The following BTRC variants were observed in gnomAD, a reference collection of about 807,000 sequenced individuals.
BTRC encodes beta-transducin repeat containing E3 ubiquitin protein ligase, also known as F-box/WD repeat-containing protein 1A.
Under a neutral mutation model 85.5 loss-of-function variants are expected in BTRC, and 42 were observed. That is an observed-to-expected ratio of 0.49 (90% confidence interval 0.38 to 0.64). The LOEUF (loss-of-function observed/expected upper bound fraction) is 0.64. Ranked by LOEUF, BTRC falls within the 30% of genes least tolerant of loss-of-function variation. The pLI, the probability that BTRC is intolerant of heterozygous loss-of-function variation, is 0.00. For missense variants in BTRC, 594 were observed against 743.5 expected, an observed-to-expected ratio of 0.80 and a Z score of 2.34; for synonymous variants, 255 against 263.3, an observed-to-expected ratio of 0.97 and a Z score of 0.30.
At chr10:101,523,114 G>A (rs2062143555) in intron 5 of BTRC, among the ~76,000 whole-genome samples, 1 of 152,136 alleles carries the variant, frequency 6.6e-6, no homozygotes, top group South Asian at 2.1e-4. Flanking sequence ...TGGGGCAGGA[G>A]AATCGCTTGA....
rs558360871 is a variant in BTRC at position 101,434,399 on chromosome 10, A to C, written c.156+3947A>C. 1.4e-3 allele frequency among the ~76,000 whole-genome samples: 211 copies of C among 152,274 alleles called. 4 individuals are homozygous for C. The South Asian group carries it at 0.043, about 31-fold the overall frequency. ...TGGATATCCTTGTGCAAAACAATGA[A>C]CCTCAACGGTTATACTGCACTATAT... On this transcript the variant is annotated intron_variant, in intron 2 of 14. Transcript: ENST00000370187.
intron 2 of BTRC, among the ~76,000 whole-genome samples, chr10:101,452,732 C>G (rs1485973073): frequency 6.6e-6 from 1 of 152,054 alleles, no homozygotes; most frequent in African/African-American, 2.4e-5. Flanking sequence ...AAAGAGCACT[C>G]CTTGAAAGCC....
intron 4 of BTRC, among the ~76,000 whole-genome samples, chr10:101,506,581 G>A (rs1474321938): frequency 6.6e-6 from 1 of 152,072 alleles, no homozygotes; most frequent in Non-Finnish European, 1.5e-5. Flanking sequence ...GTTATAAAAA[G>A]TGTAACAGTC....
chr10:101,396,266 A>G (rs1001067999), intron 1 of BTRC, among the ~76,000 whole-genome samples: 16 of 151,346 alleles, frequency 1.1e-4, no homozygotes, highest in African/African-American at 3.4e-4. Context: ...TATACTGCCA[A>G]TTAGAATAAT....
At chr10:101,438,493 A>C (rs929235601) in intron 2 of BTRC, among the ~76,000 whole-genome samples, 1 of 137,370 alleles carries the variant, frequency 7.3e-6, no homozygotes, top group Non-Finnish European at 1.5e-5. Flanking sequence ...TTATGTTTTT[A>C]TGTCTCACAC....
intron 4 of BTRC, among the ~76,000 whole-genome samples, chr10:101,512,300 A>G (rs965440179): frequency 6.6e-6 from 1 of 152,180 alleles, no homozygotes. Context: ...ATAGTTCTCA[A>G]TGCCAGAGCC....
chr10:101,412,171 G>T (rs1434834105), intron 1 of BTRC, among the ~76,000 whole-genome samples: 3 of 152,210 alleles, frequency 2.0e-5, no homozygotes. Flanking sequence ...ACAGGACTTA[G>T]TATTCAGGAA....
intron 1 of BTRC, chr10:101,414,576 G>A: frequency 4.0e-6 from 2 of 503,394 alleles, no homozygotes; most frequent in East Asian, 5.5e-5. Context: ...GCGTTAGGCA[G>A]GTCCTTCAGG....
intron 1 of BTRC, among the ~76,000 whole-genome samples, chr10:101,419,725 C>T (rs1412798034): frequency 6.6e-6 from 1 of 152,126 alleles, no homozygotes; most frequent in Non-Finnish European, 1.5e-5. Context: ...TGGGAAACAT[C>T]GGGGGGCATG....
chr10:101,399,412 C>T (rs1370596050), intron 1 of BTRC, among the ~76,000 whole-genome samples: 1 of 144,610 alleles, frequency 6.9e-6, no homozygotes, highest in African/African-American at 2.6e-5. Context: ...TGACTCATGA[C>T]TTAGGTCATA....
intron 6 of BTRC, 130 bp from the exon 7 acceptor site, chr10:101,531,107 G>A (rs1232223634): frequency 1.5e-6 from 1 of 649,406 alleles, no homozygotes; most frequent in Non-Finnish European, 2.6e-6. Flanking sequence ...GGAAGCGGAG[G>A]TTGCAGTGAG....
chr10:101,449,841 T>G (rs1453137605), intron 2 of BTRC, among the ~76,000 whole-genome samples: 1 of 151,980 alleles, frequency 6.6e-6, no homozygotes, highest in Non-Finnish European at 1.5e-5. Context: ...CCTGAAAGAA[T>G]GGTTGTCCTT....
intron 4 of BTRC, among the ~76,000 whole-genome samples, chr10:101,502,826 T>C (rs1463235233): frequency 6.6e-6 from 1 of 152,170 alleles, no homozygotes; most frequent in Non-Finnish European, 1.5e-5. Context: ...AAAGTGAAAG[T>C]TTCTGGACAT....
chr10:101,370,460 C>T (rs1403782379), intron 1 of BTRC, among the ~76,000 whole-genome samples: 1 of 152,166 alleles, frequency 6.6e-6, no homozygotes, highest in Non-Finnish European at 1.5e-5. Context: ...ACTAAGACCT[C>T]TGCTGATCCT....
intron 1 of BTRC, among the ~76,000 whole-genome samples, chr10:101,428,968 A>G (rs569164913): frequency 6.6e-6 from 1 of 152,212 alleles, no homozygotes; most frequent in East Asian, 1.9e-4. Flanking sequence ...CATGGCTCTC[A>G]TTGTCCATTT....
At chr10:101,489,437 A>C (rs1237389688) in intron 4 of BTRC, among the ~76,000 whole-genome samples, 1 of 152,052 alleles carries the variant, frequency 6.6e-6, no homozygotes, top group Non-Finnish European at 1.5e-5. Flanking sequence ...GTGGCTTTTT[A>C]TGGGTGTAAA....
At chr10:101,390,634 G>A (rs1335967070) in intron 1 of BTRC, among the ~76,000 whole-genome samples, 1 of 151,770 alleles carries the variant, frequency 6.6e-6, no homozygotes, top group African/African-American at 2.4e-5. Flanking sequence ...GCCTGGCCTG[G>A]TATGATAATT....
chr10:101,442,974 C>T (rs949620391), intron 2 of BTRC, among the ~76,000 whole-genome samples: 2 of 148,354 alleles, frequency 1.3e-5, no homozygotes, highest in African/African-American at 5.0e-5. Context: ...CTCTGCCTCT[C>T]GGGTTCACAC....
intron 4 of BTRC, among the ~76,000 whole-genome samples, chr10:101,515,728 G>T (rs1392284210): frequency 1.3e-5 from 2 of 152,046 alleles, no homozygotes; most frequent in African/African-American, 2.4e-5. Flanking sequence ...AGCCAGGATG[G>T]TCTTGATCTC....
Sources: allele counts gnomAD v4.1 joint callset (sites outside exome capture counted in the v4.1 genomes callset), GRCh38; gene constraint gnomAD v4.1.1; transcripts MANE v1.5; gene names NCBI Gene and HGNC (gene_info 2026-07-23, HGNC 2026-07-21).